RABGAP1L: variants seen among roughly 807,000 people sequenced by gnomAD.
The protein encoded by RABGAP1L is RAB GTPase activating protein 1 like.
Under a neutral mutation model 137.7 loss-of-function variants are expected in RABGAP1L, and 63 were observed. The observed-to-expected ratio is 0.46, with a 90% CI of 0.37 to 0.56. RABGAP1L has a LOEUF of 0.56. RABGAP1L is among the 20% of genes least tolerant of loss of function. The pLI is 0.00. For missense variants in RABGAP1L, 1,095 were observed against 1,244.0 expected, an observed-to-expected ratio of 0.88 and a Z score of 1.80; for synonymous variants, 431 against 433.7, an observed-to-expected ratio of 0.99 and a Z score of 0.08.
chr1:174,426,833 A>T (rs576835377), intron 13 of RABGAP1L, among the ~76,000 whole-genome samples: 1 of 152,100 alleles, frequency 6.6e-6, no homozygotes, highest in East Asian at 1.9e-4. Flanking sequence ...TACTATTTGA[A>T]TAAGTGTTGC....
At chr1:174,261,846 G>A (rs1334495764) in intron 7 of RABGAP1L, among the ~76,000 whole-genome samples, 1 of 152,150 alleles carries the variant, frequency 6.6e-6, no homozygotes, top group African/African-American at 2.4e-5. Flanking sequence ...ATGTGAATTA[G>A]TACGTTTATG....
chr1:174,753,998 T>C (rs1023659890), intron 18 of RABGAP1L, among the ~76,000 whole-genome samples: 1 of 152,230 alleles, frequency 6.6e-6, no homozygotes, highest in Non-Finnish European at 1.5e-5. Context: ...TGTGTCAACT[T>C]AATACTATAT....
chr1:174,698,834 A>G (rs1215675750), intron 15 of RABGAP1L, among the ~76,000 whole-genome samples: 2 of 152,078 alleles, frequency 1.3e-5, no homozygotes. Flanking sequence ...TTTTATTTGC[A>G]TAGATAATCA....
chr1:174,503,658 C>CAAAAAAAAAAAAAAAAAAAAAAAA (rs61588327), intron 13 of RABGAP1L, among the ~76,000 whole-genome samples: 1 of 103,642 alleles, frequency 9.6e-6, no homozygotes, highest in East Asian at 3.7e-4. Flanking sequence ...GAGACTCCGT[C>CAAAAAAAAAAAAAAAAAAAAAAAA]AAAAAAAAAA....
chr1:174,262,874 G>A (rs1386943941), intron 7 of RABGAP1L, among the ~76,000 whole-genome samples: 1 of 152,248 alleles, frequency 6.6e-6, no homozygotes, highest in Non-Finnish European at 1.5e-5. Flanking sequence ...AGTAGAGGGT[G>A]TTGCAGGGAC....
intron 4 of RABGAP1L, among the ~76,000 whole-genome samples, chr1:174,233,662 T>A (rs1670890533): frequency 7.6e-6 from 1 of 132,042 alleles, no homozygotes; most frequent in Admixed American, 7.2e-5. Flanking sequence ...ATCCAGTCTA[T>A]CATTGTTGGA....
At chr1:174,488,432 T>G (rs1659883801) in intron 13 of RABGAP1L, among the ~76,000 whole-genome samples, 1 of 152,158 alleles carries the variant, frequency 6.6e-6, no homozygotes, top group Admixed American at 6.5e-5. Context: ...TTTGTTTCTC[T>G]TCTCTTGCTG....
intron 19 of RABGAP1L, chr1:174,935,150 G>A (rs550224318): frequency 7.2e-5 from 11 of 152,250 alleles, no homozygotes; most frequent in Admixed American, 7.2e-4. Context: ...TTTTAAAATG[G>A]TTTCAGTTTA....
chr1:174,346,884 C>T (rs780142295), intron 11 of RABGAP1L, among the ~76,000 whole-genome samples: 7 of 151,814 alleles, frequency 4.6e-5, no homozygotes, highest in African/African-American at 1.5e-4. Context: ...TTTAGTACTG[C>T]ATTTGCTGTA....
chr1:174,809,762 T>C (rs1190688239), intron 18 of RABGAP1L, among the ~76,000 whole-genome samples: 6 of 152,184 alleles, frequency 3.9e-5, no homozygotes, highest in South Asian at 2.1e-4. Context: ...TGGTATTACA[T>C]GTGAAAAACG....
At chr1:174,165,190 C>A (rs746478771) in intron 1 of RABGAP1L, among the ~76,000 whole-genome samples, 1 of 152,024 alleles carries the variant, frequency 6.6e-6, no homozygotes, top group Non-Finnish European at 1.5e-5. Context: ...CGTTTTTGAC[C>A]CAGGCTGGAG....
At chr1:174,159,744 G>C (rs1400505044) in intron 1 of RABGAP1L, 87 bp downstream of exon 1, 1 of 152,708 alleles carries the variant, frequency 6.5e-6, no homozygotes, top group Non-Finnish European at 1.5e-5. Context: ...TGTTGGCGTC[G>C]GGCTGAGCCT....
chr1:174,573,301 A>G lies in RABGAP1L; in HGVS notation c.1711-64074A>G, dbSNP rs569353023. Among the ~76,000 whole-genome samples, 5 of 151,904 alleles carry G rather than the reference A, an allele frequency of 3.3e-5. No homozygotes were observed. The East Asian group carries it at 7.7e-4, about 23-fold the overall frequency. ...TATATGTTTATATGTATGTGTGTATATATATATATAATTTGTGTGTGTGTG... is the reference window on the plus strand; with the variant it reads ...TATATGTTTATATGTATGTGTGTATGTATATATATAATTTGTGTGTGTGTG... On this transcript the variant is annotated intron_variant, in intron 13 of 25. Transcript: ENST00000681986.
At chr1:174,769,029 A>G (rs1302314624) in intron 18 of RABGAP1L, among the ~76,000 whole-genome samples, 2 of 152,086 alleles carry the variant, frequency 1.3e-5, no homozygotes, top group Admixed American at 6.6e-5. Flanking sequence ...TGTCACCACC[A>G]TTGTCACTGT....
intron 15 of RABGAP1L, among the ~76,000 whole-genome samples, chr1:174,698,337 G>A (rs1488610186): frequency 6.6e-6 from 1 of 152,080 alleles, no homozygotes; most frequent in East Asian, 1.9e-4. Context: ...TCCCTGTTCA[G>A]ATAAAAATAC....
intron 10 of RABGAP1L, among the ~76,000 whole-genome samples, chr1:174,299,070 G>A (rs190278672): frequency 6.6e-6 from 1 of 152,340 alleles, no homozygotes; most frequent in Admixed American, 6.5e-5. Flanking sequence ...AATCGTCATA[G>A]GACTGAGTGG....
At chr1:174,818,874 A>T (rs1479659295) in intron 19 of RABGAP1L, among the ~76,000 whole-genome samples, 1 of 151,798 alleles carries the variant, frequency 6.6e-6, no homozygotes, top group African/African-American at 2.4e-5. Context: ...AAAATTAGCC[A>T]GGCATGGTGA....
At chr1:174,270,413 A>G (rs1421529542) in intron 7 of RABGAP1L, among the ~76,000 whole-genome samples, 2 of 152,124 alleles carry the variant, frequency 1.3e-5, no homozygotes, top group African/African-American at 4.8e-5. Flanking sequence ...TTTAACTTTT[A>G]TTATAGCCAT....
At chr1:174,878,137 G>A (rs368997034) in intron 19 of RABGAP1L, among the ~76,000 whole-genome samples, 28 of 152,214 alleles carry the variant, frequency 1.8e-4, no homozygotes, top group East Asian at 1.4e-3. Flanking sequence ...AATCAAAAAC[G>A]GAAGTTCTTG....
Sources: allele counts gnomAD v4.1 joint callset (sites outside exome capture counted in the v4.1 genomes callset), GRCh38; gene constraint gnomAD v4.1.1; transcripts MANE v1.5; gene names NCBI Gene and HGNC (gene_info 2026-07-23, HGNC 2026-07-21).